Variants in UNC50 observed in about 807,000 individuals in gnomAD.
UNC50 encodes the protein protein unc-50 homolog.
Under a neutral mutation model 31.5 loss-of-function variants are expected in UNC50, and 24 were observed. That is an observed-to-expected ratio of 0.76 (90% CI 0.55 to 1.07). UNC50 has a LOEUF of 1.07. Ranked by LOEUF, UNC50 falls within the 50% of genes least tolerant of loss-of-function variation. UNC50 has a pLI of 0.00. For missense variants in UNC50, 245 were observed against 304.2 expected (o/e 0.81, Z 1.45); for synonymous variants, 118 against 114.7 (o/e 1.03, Z -0.18).
rs761683126 is a variant in UNC50, at chr2:98,609,749, C to T, written c.-4-7C>T. On this transcript the variant is annotated splice_region_variant and splice_polypyrimidine_tract_variant and intron_variant, in intron 1 of 5. Transcript: ENST00000357765. ...ACGTGTAAAAGAAATGTTTTTCTTC[C>T]ATCTAGGAAGATGTTACCGAGTACT... 8 of 1,613,920 alleles carry T rather than the reference C, an allele frequency of 5.0e-6. No homozygotes were observed. The African/African-American group carries it at 8.0e-5, about 16-fold the overall frequency.
intron 3 of UNC50, among the ~76,000 whole-genome samples, chr2:98,615,806 G>A (rs1362192220): frequency 6.6e-6 from 1 of 152,200 alleles, no homozygotes. Context: ...AAGACATGGA[G>A]CCTGTGTGAC....
At chr2:98,617,516 A>G (rs569411134) in intron 5 of UNC50, among the ~76,000 whole-genome samples, 9 of 152,298 alleles carry the variant, frequency 5.9e-5, no homozygotes, top group East Asian at 1.9e-4. Flanking sequence ...GTAACGACCT[A>G]TACCACTTAG....
In UNC50 at chr2:98,608,620, G is replaced by T. The variant is rs1241632414; in HGVS notation, c.-111G>T. On this transcript the variant is annotated 5_prime_UTR_variant, in exon 1 of 6. Coordinates refer to ENST00000357765, the MANE Select transcript of UNC50 (RefSeq NM_014044.7). ...CGTGACGCGGCGCGCCCCAAGGGCC[G>T]GCTCCGTTGAGGGAAGGGAAGCCCG... 1 of 593,542 alleles carries T rather than the reference G, an allele frequency of 1.7e-6. No homozygotes were observed. The highest frequency in any genetic ancestry group is 1.9e-5 in the African/African-American group (1 of 52,956). 36.8% of individuals were successfully genotyped at this position (593,542 alleles called of 1,614,324 possible).
intron 3 of UNC50, 91 bp from the exon 4 acceptor site, chr2:98,616,116 C>T (rs1700915220): frequency 7.4e-7 from 1 of 1,351,142 alleles, no homozygotes. Flanking sequence ...GGTATATCTC[C>T]AGAATTTAGA....
At chr2:98,610,605 A>G (rs922087676) in intron 2 of UNC50, among the ~76,000 whole-genome samples, 170 bp from the exon 3 acceptor site, 3 of 151,090 alleles carry the variant, frequency 2.0e-5, no homozygotes, top group African/African-American at 2.4e-5. Context: ...GGAAACTTCA[A>G]CTCTCTCAGT....
At chr2:98,615,371 C>T (rs1700902947) in intron 3 of UNC50, among the ~76,000 whole-genome samples, 1 of 152,198 alleles carries the variant, frequency 6.6e-6, no homozygotes, top group South Asian at 2.1e-4. Flanking sequence ...TTCAACATAA[C>T]AGGTCCAAAT....
At chr2:98,613,017 C>T (rs191177698) in intron 3 of UNC50, among the ~76,000 whole-genome samples, 6 of 152,254 alleles carry the variant, frequency 3.9e-5, no homozygotes, top group East Asian at 3.9e-4. Context: ...ACCTTCAATA[C>T]GTAAAAATTT....
chr2:98,617,672 A>AGTT (rs550546489), intron 5 of UNC50, among the ~76,000 whole-genome samples: 159 of 152,320 alleles, frequency 1.0e-3, no homozygotes, highest in African/African-American at 3.6e-3. Flanking sequence ...TAAGAGTTTC[A>AGTT]GTTCTTTTCT....
intron 3 of UNC50, among the ~76,000 whole-genome samples, chr2:98,611,976 C>A (rs573607745): frequency 7.0e-6 from 1 of 142,042 alleles, no homozygotes; most frequent in Non-Finnish European, 1.6e-5. Flanking sequence ...CCGCCCCCCC[C>A]GCCCCCCCAC....
chr2:98,615,419 T>A (rs1477550875), intron 3 of UNC50, among the ~76,000 whole-genome samples: 2 of 152,168 alleles, frequency 1.3e-5, no homozygotes, highest in African/African-American at 4.8e-5. Flanking sequence ...TCAAAACCAC[T>A]CTTCCCACAG....
Position 98,618,285 on chromosome 2 carries a change from A to G in UNC50, c.761A>G (p.Tyr254Cys), listed in dbSNP as rs760419044. The change falls in exon 6 of 6, where the codon TAT becomes TGT. Residue 254 changes from tyrosine to cysteine, a missense_variant. Coordinates refer to ENST00000357765, the MANE Select transcript of UNC50 (RefSeq NM_014044.7). ...WNFTHTLCSF[Y>C]KYRVK is the part of the protein sequence containing the mutation. ...TTCACCCATACTCTCTGTTCTTTCT[A>G]TAAGTACAGAGTGAAATAAAAAGTG... The G allele has an allele frequency of 9.3e-6, 15 of 1,605,450 alleles. No individual in the cohort carries two copies. The highest frequency in any genetic ancestry group is 6.7e-5 in the African/African-American group (5 of 74,192).
intron 1 of UNC50, 167 bp from the exon 2 acceptor site, chr2:98,609,589 A>C: frequency 9.2e-7 from 1 of 1,082,076 alleles, no homozygotes; most frequent in Non-Finnish European, 1.3e-6. Context: ...CCCAAGCCCC[A>C]AGACCCGCCT....
chr2:98,616,084 ATT>A (rs1700914873), intron 3 of UNC50, 121 bp from the exon 4 acceptor site: 2 of 899,588 alleles, frequency 2.2e-6, no homozygotes, highest in Non-Finnish European at 3.3e-6. Context: ...GAAGGCAGGG[ATT>A]TTTGTCTGTT....
In UNC50 at chr2:98,610,803, G is replaced by A. The variant is rs1311693473; in HGVS notation, c.309G>A (p.Leu103=). 1 of 1,614,162 alleles carries A rather than the reference G, an allele frequency of 6.2e-7. No homozygotes were observed. Among genetic ancestry groups the A allele is most frequent in the South Asian group, 1.1e-5 (1 of 91,056 alleles). ...CCACTATAGGATTTGGCTTTGTGCT[G>A]GACATGGGATTCTTTGAGACAATAA... ...CVSTIGFGFV[L]DMGFFETIKL... Residue 103 remains leucine, a synonymous_variant, in exon 3 of 6, where the codon CTG becomes CTA. Transcript: ENST00000357765.
intron 3 of UNC50, among the ~76,000 whole-genome samples, chr2:98,611,751 A>T (rs571985332): frequency 7.2e-5 from 11 of 152,188 alleles, no homozygotes; most frequent in Non-Finnish European, 1.3e-4. Context: ...TGTCTGGATG[A>T]TAGCATGGTT....
rs776072070 is a variant in UNC50, at chr2:98,616,211, A to G, written c.406A>G (p.Ile136Val). 51 of 1,604,410 alleles carry G rather than the reference A, an allele frequency of 3.2e-5. No individual in the cohort carries two copies. The highest frequency in any genetic ancestry group is 3.3e-4 in the Middle Eastern group (2 of 6,028). The change falls in exon 4 of 6, where the codon ATC becomes GTC. Residue 136 changes from isoleucine to valine, a missense_variant. Ile to Val is a conservative substitution (Grantham distance 29). Transcript: ENST00000357765. ...GLLIATLMWF[I>V]SNKYLVKRQS... Reference sequence around the variant, plus strand: ...AAATTTTAATTTTGCTCTTAGGTTCATCTCTAACAAGTATTTAGTGAAACG... The same window carrying G: ...AAATTTTAATTTTGCTCTTAGGTTCGTCTCTAACAAGTATTTAGTGAAACG...
At chr2:98,617,037 A>ACAAT (rs1277019662) in intron 5 of UNC50, among the ~76,000 whole-genome samples, 1 of 152,220 alleles carries the variant, frequency 6.6e-6, no homozygotes, top group Non-Finnish European at 1.5e-5. Flanking sequence ...GGTTCTGTAG[A>ACAAT]CAATCACAGA....
chr2:98,618,344 A>T lies in UNC50; in HGVS notation c.*40A>T, dbSNP rs991828158. 4 of 1,538,232 alleles carry T rather than the reference A, an allele frequency of 2.6e-6. No homozygotes were observed. In the African/African-American group the frequency reaches 5.6e-5, roughly 21 times the overall value. ...ATTCAATCGTAACTGTGTCAACAGTATTGTGAAGTGATCATTTCTTGTAAA... is the reference window on the plus strand; with the variant it reads ...ATTCAATCGTAACTGTGTCAACAGTTTTGTGAAGTGATCATTTCTTGTAAA... On this transcript the variant is annotated 3_prime_UTR_variant, in exon 6 of 6. Transcript: ENST00000357765.
chr2:98,609,507 C>T (rs1009387566), intron 1 of UNC50: 6 of 568,210 alleles, frequency 1.1e-5, no homozygotes, highest in Admixed American at 9.3e-5. Context: ...TGGTAGCTGC[C>T]CCTGGATAAG....
Sources: allele counts gnomAD v4.1 joint callset (sites outside exome capture counted in the v4.1 genomes callset), GRCh38; gene constraint gnomAD v4.1.1; transcripts MANE v1.5; gene names NCBI Gene and HGNC (gene_info 2026-07-23, HGNC 2026-07-21).